Variants in MDM2 observed in about 807,000 individuals in gnomAD.
The protein encoded by MDM2 is E3 ubiquitin-protein ligase Mdm2.
MDM2 carries 11 observed loss-of-function variants against 64.3 expected under a neutral mutation model. The ratio of observed to expected loss-of-function variants is 0.17; its 90% CI spans 0.11 to 0.28. The LOEUF is 0.28. Ranked by LOEUF, MDM2 falls within the 10% of genes least tolerant of loss-of-function variation. The pLI, the probability that MDM2 is intolerant of heterozygous loss-of-function variation, is 1.00. For missense variants in MDM2, 388 were observed against 577.1 expected, an observed-to-expected ratio of 0.67 and a Z score of 3.36; for synonymous variants, 194 against 192.9, an observed-to-expected ratio of 1.01 and a Z score of -0.05.
chr12:68,811,640 T>G (rs957750433), intron 2 of MDM2, among the ~76,000 whole-genome samples: 11 of 146,416 alleles, frequency 7.5e-5, no homozygotes, highest in Admixed American at 2.8e-4. Flanking sequence ...AGTCTTGGTC[T>G]GTTGCCCAGG....
At chr12:68,823,933 C>G (rs1882084355) in intron 5 of MDM2, among the ~76,000 whole-genome samples, 1 of 152,158 alleles carries the variant, frequency 6.6e-6, no homozygotes, top group African/African-American at 2.4e-5. Context: ...TAATGAACTG[C>G]TTGTGGTGTC....
Position 68,842,705 on chromosome 12 carries a change from A to G in MDM2, c.*2856A>G, listed in dbSNP as rs1485469941. On this transcript the variant is annotated 3_prime_UTR_variant, in exon 11 of 11. Transcript: ENST00000258149. ...TATGGCTAGTGATATATATAAAGTA[A>G]AATTTTCTTTGCAGTAAAATATGCC... The G allele has an allele frequency of 5.1e-6, 1 of 196,468 alleles. No homozygotes were observed. The highest frequency in any genetic ancestry group is 2.3e-5 in the African/African-American group (1 of 42,934). 12.2% of individuals were successfully genotyped at this position (196,468 alleles called of 1,614,324 possible).
At chr12:68,829,255 G>A (rs1882600683) in intron 8 of MDM2, among the ~76,000 whole-genome samples, 1 of 130,582 alleles carries the variant, frequency 7.7e-6, no homozygotes, top group Admixed American at 7.5e-5. Flanking sequence ...GGAGTATAGA[G>A]TTGTTTGAGA....
intron 3 of MDM2, among the ~76,000 whole-genome samples, chr12:68,816,049 CATTG>C (rs1256169185): frequency 3.9e-5 from 6 of 152,008 alleles, no homozygotes; most frequent in East Asian, 1.9e-4. Flanking sequence ...TTGTAGCTGT[CATTG>C]ATTGATTGTT....
intron 7 of MDM2, among the ~76,000 whole-genome samples, chr12:68,825,607 C>T (rs1882248746): frequency 6.6e-6 from 1 of 152,004 alleles, no homozygotes; most frequent in South Asian, 2.1e-4. Context: ...GAGCCGAGAT[C>T]ACGCCACTGC....
chr12:68,836,043 ATTGACT>A, intron 9 of MDM2, 59 bp downstream of exon 9: 1 of 1,371,942 alleles, frequency 7.3e-7, no homozygotes, highest in South Asian at 1.5e-5. Flanking sequence ...TTCTATGTTC[ATTGACT>A]TTGAGATTGA....
rs1183318936 is a variant in MDM2, at chr12:68,835,819, C to T, written c.685-10C>T. On this transcript the variant is annotated splice_polypyrimidine_tract_variant and intron_variant, in intron 8 of 10. Coordinates refer to ENST00000258149, the MANE Select transcript of MDM2 (RefSeq NM_002392.6). ...TGTTTATTAAGTTATATATTTTTTTCTTGTTTTAGGATCTTGATGCTGGTG... is the reference window on the plus strand; with the variant it reads ...TGTTTATTAAGTTATATATTTTTTTTTTGTTTTAGGATCTTGATGCTGGTG... 1 of 1,606,604 alleles carries T rather than the reference C, an allele frequency of 6.2e-7. No individual in the cohort carries two copies. Among genetic ancestry groups the T allele is most frequent in the African/African-American group, 1.3e-5 (1 of 74,536 alleles).
At chr12:68,808,599 G>T (rs1880572057) in intron 1 of MDM2, 108 bp downstream of exon 1, 2 of 1,524,730 alleles carry the variant, frequency 1.3e-6, no homozygotes, top group Non-Finnish European at 1.8e-6. Flanking sequence ...GCGGTTCGTG[G>T]CTGGGGGCTC....
At chr12:68,809,369 A>G in intron 2 of MDM2, 77 bp downstream of exon 2, 2 of 1,255,128 alleles carry the variant, frequency 1.6e-6, no homozygotes, top group Non-Finnish European at 2.3e-6. Flanking sequence ...GTATACCTCA[A>G]TTGTAGCATG....
chr12:68,809,774 T>G (rs3730498), intron 2 of MDM2, among the ~76,000 whole-genome samples: 10,188 of 152,264 alleles, frequency 0.067, 1,120 homozygotes, highest in African/African-American at 0.23. Context: ...TATGTTATTG[T>G]CCTGTTTGTT....
downstream of MDM2, chr12:68,848,801 C>G (rs1884503916): frequency 6.6e-6 from 1 of 152,070 alleles, no homozygotes; most frequent in African/African-American, 2.4e-5. Flanking sequence ...CAACCTCTGC[C>G]TCCTGGGTTC....
chr12:68,820,580 G>A (rs1881761350), intron 5 of MDM2, among the ~76,000 whole-genome samples: 1 of 152,164 alleles, frequency 6.6e-6, no homozygotes, highest in African/African-American at 2.4e-5. Context: ...TATCCTGTTA[G>A]ATCAATTTAG....
At chr12:68,847,205 T>TATATATATATATATATATATATATATAG, downstream of MDM2, 1 of 134,724 alleles carries the variant, frequency 7.4e-6, no homozygotes, top group African/African-American at 3.1e-5. Flanking sequence ...ATTATATATA[T>TATATATATATATATATATATATATATAG]ATATATACTT....
rs773503828 is a variant in MDM2, at chr12:68,839,919, T to C, written c.*70T>C. The C allele has an allele frequency of 2.1e-5, 28 of 1,344,700 alleles. No homozygotes were observed. Among genetic ancestry groups the C allele is most frequent in the Non-Finnish European group, 2.7e-5 (27 of 981,842 alleles). 83.3% of individuals were successfully genotyped at this position (1,344,700 alleles called of 1,614,324 possible). ...CTAGGAATTTAGACAACCTGAAATT[T>C]ATTCACATATATCAAAGTGAGAAAA... On this transcript the variant is annotated 3_prime_UTR_variant, in exon 11 of 11. Coordinates refer to ENST00000258149, the MANE Select transcript of MDM2 (RefSeq NM_002392.6).
intron 7 of MDM2, among the ~76,000 whole-genome samples, chr12:68,826,648 T>C (rs1695161): frequency 0.72 from 93,136 of 128,510 alleles, 33,289 homozygotes; most frequent in South Asian, 0.82. Flanking sequence ...GACTCCCTCT[T>C]AAAAAAAAAA....
intron 7 of MDM2, chr12:68,827,999 T>C (rs558013938): frequency 6.6e-6 from 1 of 152,232 alleles, no homozygotes; most frequent in African/African-American, 2.4e-5. Context: ...GGCATGGTGG[T>C]GTGCACCTTT....
intron 5 of MDM2, among the ~76,000 whole-genome samples, chr12:68,821,044 CTTTTTT>C (rs36054804): frequency 2.9e-5 from 3 of 103,818 alleles, no homozygotes; most frequent in South Asian, 3.4e-4. Context: ...ACACAGTTTG[CTTTTTT>C]TTTTTTTTTT....
intron 1 of MDM2, chr12:68,808,884 G>C (rs1046996914): frequency 1.5e-6 from 2 of 1,360,574 alleles, no homozygotes; most frequent in African/African-American, 2.9e-5. Flanking sequence ...GATTGGGCCG[G>C]TTCAGTGGGC....
intron 5 of MDM2, among the ~76,000 whole-genome samples, chr12:68,820,889 A>G (rs1403766780): frequency 5.9e-5 from 9 of 152,178 alleles, no homozygotes; most frequent in African/African-American, 2.2e-4. Context: ...TTCCAGAAAG[A>G]TGCACATGTA....
Sources: gnomAD v4.1 joint callset for allele counts (sites outside exome capture counted in the v4.1 genomes callset) on GRCh38, gnomAD v4.1.1 for gene constraint, MANE v1.5 for transcripts, NCBI Gene and HGNC (gene_info 2026-07-23, HGNC 2026-07-21) for gene names.